The following IKBKG variants were observed in gnomAD, a reference collection of about 807,000 sequenced individuals.
IKBKG encodes the protein inhibitor of nuclear factor kappa B kinase regulatory subunit gamma.
In IKBKG, 2 loss-of-function variants were observed where a neutral mutation model predicts 13.7. The ratio of observed to expected loss-of-function variants is 0.15; its 90% CI spans 0.06 to 0.46. The LOEUF (loss-of-function observed/expected upper bound fraction) is 0.46, where lower values mean the gene tolerates loss of function less well. Ranked by LOEUF, IKBKG falls within the 20% of genes least tolerant of loss-of-function variation. The probability of loss-of-function intolerance (pLI) is 0.98; values close to 1 mark genes in which losing one functional copy is unlikely to be tolerated. For synonymous variants in IKBKG, 22 were observed against 64.4 expected (o/e 0.34, Z 3.15); for missense variants, 53 against 150.3 (o/e 0.35, Z 3.39).
rs2071126968 is a variant in IKBKG at position 154,560,532 on chromosome X, T to TGGAGCGCCAGGGC, written c.655_656insGCGGAGCGCCAGG (p.Ala219GlyfsTer39). 4.4e-6 allele frequency: 2 copies of TGGAGCGCCAGGGC among 459,730 alleles called. No homozygotes were observed. Among genetic ancestry groups the TGGAGCGCCAGGGC allele is most frequent in the Non-Finnish European group, 6.0e-6 (2 of 335,329 alleles). The allele number at this position is 459,730 out of a possible 1,213,427, so 37.9% of individuals were successfully genotyped here. Reference sequence around the variant, plus strand: ...CAGAGCGTGGAGGCCGCGCTCCGCATGGAGCGCCAGGCCGCCTCGGAGGAG... The same window carrying TGGAGCGCCAGGGC: ...CAGAGCGTGGAGGCCGCGCTCCGCATGGAGCGCCAGGGCGGAGCGCCAGGCCGCCTCGGAGGAG... On this transcript the variant is annotated frameshift_variant, in exon 5 of 10. Coordinates refer to ENST00000594239, the MANE Select transcript of IKBKG (RefSeq NM_001099857.5). LOFTEE classifies it high-confidence loss of function.
chrX:154,554,051 C>T (rs2071002074), intron 2 of IKBKG, among the ~76,000 whole-genome samples: 1 of 112,867 alleles, frequency 8.9e-6, no homozygotes, highest in African/African-American at 3.2e-5. Flanking sequence ...TCCCCCTGCT[C>T]CGCCTGACCT....
chrX:154,554,623 C>T (rs2071013852), intron 2 of IKBKG, among the ~76,000 whole-genome samples: 2 of 111,093 alleles, frequency 1.8e-5, no homozygotes, highest in South Asian at 3.8e-4. Context: ...GACGTGGTGG[C>T]GGGCACCTAT....
intron 2 of IKBKG, among the ~76,000 whole-genome samples, chrX:154,555,127 G>T (rs782189072): frequency 1.8e-5 from 2 of 111,691 alleles, no homozygotes; most frequent in East Asian, 5.6e-4. Flanking sequence ...TCCTCGTCTT[G>T]TAAGATGAAT....
chrX:154,552,282 G>A, intron 2 of IKBKG, 93 bp downstream of exon 2: 1 of 722,958 alleles, frequency 1.4e-6, no homozygotes, highest in Non-Finnish European at 2.0e-6. Flanking sequence ...GGGTGGGGAT[G>A]TGCTGCCCTC....
Position 154,562,905 on chromosome X carries a change from C to T in IKBKG, c.864C>T (p.Ala288=), listed in dbSNP as rs1401787487. The T allele has an allele frequency of 4.5e-5, 19 of 419,852 alleles. No individual in the cohort carries two copies. The highest frequency in any genetic ancestry group is 7.3e-5 in the Non-Finnish European group (19 of 258,551). 34.6% of individuals were successfully genotyped at this position (419,852 alleles called of 1,213,427 possible). ...QEVIDKLKEE[A]EQHKIVMETV... is the part of the protein sequence containing the mutation. ...TGATCGATAAGCTGAAGGAGGAGGC[C>T]GAGCAGCACAAGATTGTGATGGAGA... Residue 288 remains alanine, a synonymous_variant, in exon 7 of 10, where the codon GCC becomes GCT. Transcript: ENST00000594239.
intron 1 of IKBKG, among the ~76,000 whole-genome samples, chrX:154,548,308 A>T (rs1305907984): frequency 4.5e-5 from 5 of 111,242 alleles, no homozygotes; most frequent in Non-Finnish European, 7.5e-5. Context: ...TTGTAGGGAG[A>T]TTGGCTTTTA....
chrX:154,551,790 C>T (rs182403705), intron 1 of IKBKG, among the ~76,000 whole-genome samples, 198 bp from the exon 2 acceptor site: 4 of 112,013 alleles, frequency 3.6e-5, no homozygotes, highest in Non-Finnish European at 5.6e-5. Context: ...CTTTTCAAGT[C>T]CCACATGGGT....
At chrX:154,548,021 A>G in intron 1 of IKBKG, 1 of 754,744 alleles carries the variant, frequency 1.3e-6, no homozygotes, top group Non-Finnish European at 1.6e-6. Flanking sequence ...TCTGTTCACC[A>G]AACTTGACTG....
At chrX:154,551,418 A>G (rs2070928715) in intron 1 of IKBKG, among the ~76,000 whole-genome samples, 1 of 110,795 alleles carries the variant, frequency 9.0e-6, no homozygotes. Context: ...GGCAGTCCCG[A>G]CATGGCCTCC....
upstream of IKBKG, chrX:154,542,464 G>A (rs782614320): frequency 6.8e-5 from 80 of 1,168,882 alleles, no homozygotes; most frequent in Admixed American, 8.0e-4. Flanking sequence ...TAAGTACCTC[G>A]GCTCCCTTTC....
chrX:154,563,076 G>A (rs2071146473), intron 7 of IKBKG, 123 bp downstream of exon 7: 1 of 359,147 alleles, frequency 2.8e-6, no homozygotes, highest in Non-Finnish European at 4.8e-6. Context: ...CCAGGCTGGA[G>A]TGCCACTAGT....
At chrX:154,542,602 A>C, upstream of IKBKG, 1 of 775,591 alleles carries the variant, frequency 1.3e-6, no homozygotes, top group South Asian at 3.6e-5. Context: ...GGGAGGAGGA[A>C]GGGACAGAGG....
At chrX:154,550,277 TGAGA>T (rs1194265504) in intron 1 of IKBKG, among the ~76,000 whole-genome samples, 112 of 101,905 alleles carry the variant, frequency 1.1e-3, no homozygotes, top group East Asian at 3.6e-3. Context: ...TGTGTGTGTG[TGAGA>T]GAGAGAGAGA....
chrX:154,544,629 T>TGG (rs782552188), upstream of IKBKG, among the ~76,000 whole-genome samples: 1 of 112,263 alleles, frequency 8.9e-6, no homozygotes, highest in East Asian at 2.8e-4. Flanking sequence ...AGGCTGGGGC[T>TGG]GGGGCTGAGG....
chrX:154,547,313 G>T, upstream of IKBKG: 1 of 754,261 alleles, frequency 1.3e-6, no homozygotes, highest in Non-Finnish European at 1.6e-6. Flanking sequence ...GCCTGTTCGC[G>T]GGTCAAGCCG....
At chrX:154,551,460 C>A (rs2070930086) in intron 1 of IKBKG, among the ~76,000 whole-genome samples, 1 of 111,516 alleles carries the variant, frequency 9.0e-6, no homozygotes, top group African/African-American at 3.3e-5. Context: ...CTTCTCTCTT[C>A]TGTCTCTCAT....
chrX:154,549,095 G>A (rs1304678738), intron 1 of IKBKG, among the ~76,000 whole-genome samples: 1 of 106,493 alleles, frequency 9.4e-6, no homozygotes, highest in Non-Finnish European at 1.9e-5. Flanking sequence ...GGATTCAAGC[G>A]ATTCTTCTGC....
At chrX:154,554,258 A>G (rs1394966190) in intron 2 of IKBKG, among the ~76,000 whole-genome samples, 1 of 112,603 alleles carries the variant, frequency 8.9e-6, no homozygotes, top group Non-Finnish European at 1.9e-5. Flanking sequence ...AGTGTGAGAC[A>G]TGTCCAGAAG....
upstream of IKBKG, chrX:154,546,742 G>C (rs782318674): frequency 2.0e-6 from 2 of 1,020,208 alleles, no homozygotes; most frequent in East Asian, 3.4e-5. Flanking sequence ...GGCGCAGCGC[G>C]GGACAGTACG....
Sources: allele counts gnomAD v4.1 joint callset (sites outside exome capture counted in the v4.1 genomes callset), GRCh38; gene constraint gnomAD v4.1.1; transcripts MANE v1.5; gene names NCBI Gene and HGNC (gene_info 2026-07-23, HGNC 2026-07-21).